POLR2F: variants seen among roughly 807,000 people sequenced by gnomAD.
POLR2F encodes RNA polymerase II, I and III subunit F.
A neutral mutation model predicts 22.7 loss-of-function variants in POLR2F; 12 were observed. The ratio of observed to expected loss-of-function variants is 0.53; its 90% CI spans 0.34 to 0.86. The LOEUF (loss-of-function observed/expected upper bound fraction) is 0.86. POLR2F is among the 40% of genes least tolerant of loss of function. The pLI is 0.02. For synonymous variants in POLR2F, 57 were observed against 66.0 expected, an observed-to-expected ratio of 0.86 and a Z score of 0.66; for missense variants, 126 against 171.5, an observed-to-expected ratio of 0.73 and a Z score of 1.48.
chr22:37,953,771 G>A lies in POLR2F; in HGVS notation c.-17G>A, dbSNP rs773703785. ...CGCGGGACCGGGGCGCAGCGGGGTC[G>A]CTGAGGCGAGGGTGTCATGTCAGAC... On this transcript the variant is annotated 5_prime_UTR_variant, in exon 1 of 5. Transcript: ENST00000442738. 3.1e-6 allele frequency: 5 copies of A among 1,607,070 alleles called. No homozygotes were observed. In the African/African-American group the frequency reaches 6.7e-5, roughly 21 times the overall value.
intron 2 of POLR2F, among the ~76,000 whole-genome samples, chr22:37,957,597 C>T (rs1931450818): frequency 6.6e-6 from 1 of 152,144 alleles, no homozygotes; most frequent in Non-Finnish European, 1.5e-5. Context: ...TCTCTCTCTG[C>T]ATGGCACTTT....
At chr22:37,983,601 C>T, upstream of POLR2F, 1 of 1,608,032 alleles carries the variant, frequency 6.2e-7, no homozygotes, top group South Asian at 1.1e-5. This position sits in a 1 kb window ranked among gnomAD's most constrained non-coding sequence, Gnocchi z 9.5. Flanking sequence ...TCGTCCGCCT[C>T]GCCGTCCTGC....
At position 37,956,095 on chromosome 22, in the gene POLR2F, G is replaced by C. The variant is rs569220189; in HGVS notation, c.21-678G>C. ...GTTTGTTTTTTGTTTTGCGGTGGCG[G>C]GGGGGGGTTTTGAGACGGAGTTTCA... On this transcript the variant is annotated intron_variant, in intron 1 of 4. Transcript: ENST00000442738. 5.3e-4 allele frequency among the ~76,000 whole-genome samples: 80 copies of C among 151,306 alleles called. No individual in the cohort carries two copies. In the South Asian group the frequency reaches 7.7e-3, roughly 15 times the overall value.
chr22:37,960,132 G>A (rs1213959140), intron 3 of POLR2F, among the ~76,000 whole-genome samples: 1 of 151,818 alleles, frequency 6.6e-6, no homozygotes, highest in African/African-American at 2.4e-5. Flanking sequence ...TTTATTTTCC[G>A]AGTCAAGATC....
intron 1 of POLR2F, among the ~76,000 whole-genome samples, chr22:38,009,709 A>C (rs2084855038): frequency 6.6e-6 from 1 of 151,804 alleles, no homozygotes; most frequent in Non-Finnish European, 1.5e-5. Flanking sequence ...AACCACGTGC[A>C]GTCACTGTAG....
rs934440217 is a variant in POLR2F at position 37,968,646 on chromosome 22, G to A, written c.*931G>A. On this transcript the variant is annotated 3_prime_UTR_variant, in exon 5 of 5. Coordinates refer to ENST00000442738, the MANE Select transcript of POLR2F (RefSeq NM_021974.5). ...CAGTCACACTGGCTCCTCCCTCCTA[G>A]AGGGGGTCAGGGGGAGGGTGTATAT... is the stretch of plus-strand genomic sequence containing the variant. 3.0e-6 allele frequency: 3 copies of A among 985,334 alleles called. No homozygotes were observed. Among genetic ancestry groups the A allele is most frequent in the Non-Finnish European group, 3.6e-6 (3 of 829,958 alleles). 61.0% of individuals were successfully genotyped at this position (985,334 alleles called of 1,614,324 possible). A position where few individuals can be genotyped will look rare whatever the true frequency, so the allele number is the denominator to read the frequency against.
At chr22:37,989,579 G>A (rs138352431) in intron 1 of POLR2F, among the ~76,000 whole-genome samples, 1 of 152,188 alleles carries the variant, frequency 6.6e-6, no homozygotes, top group Non-Finnish European at 1.5e-5. Context: ...CCCAGGTGCC[G>A]GCTCAGCTGT....
At position 37,967,881 on chromosome 22, in the gene POLR2F, A is replaced by G; in HGVS notation, c.*166A>G. 6 of 1,364,386 alleles carry G rather than the reference A, an allele frequency of 4.4e-6. No individual in the cohort carries two copies. Among genetic ancestry groups the G allele is most frequent in the Non-Finnish European group, 5.7e-6 (6 of 1,061,384 alleles). 84.5% of individuals were successfully genotyped at this position (1,364,386 alleles called of 1,614,324 possible). A position where few individuals can be genotyped will look rare whatever the true frequency, so the allele number is the denominator to read the frequency against. The stretch of plus-strand genomic sequence containing the variant: ...GCCATGCTGCGTGGAGCATGCACCT[A>G]TTCCAGTGGCCCTGTGACTGTCAGC... On this transcript the variant is annotated 3_prime_UTR_variant, in exon 5 of 5. Coordinates refer to ENST00000442738, the MANE Select transcript of POLR2F (RefSeq NM_021974.5).
rs1006227903 is a variant in POLR2F at position 38,016,833 on chromosome 22, GA to G, written c.121-9025del. 7.1e-4 allele frequency among the ~76,000 whole-genome samples: 104 copies of G among 145,976 alleles called. No homozygotes were observed. The highest frequency in any genetic ancestry group is 9.7e-4 in the African/African-American group (39 of 40,128). ...GTTGGAATAGAGAGAGAGAGAGAAG[GA>G]AAAAAAAAAAGATACAAGCTGGGGA... On this transcript the variant is annotated intron_variant, in intron 1 of 2. Transcript: ENST00000333418. The surrounding 1 kb of genome is among the most constrained non-coding windows in gnomAD (Gnocchi z 4.4).
At chr22:38,025,415 A>G (rs1207084591) in intron 1 of POLR2F, among the ~76,000 whole-genome samples, 3 of 152,232 alleles carry the variant, frequency 2.0e-5, no homozygotes, top group East Asian at 3.9e-4. Flanking sequence ...ACATGCCCAC[A>G]ACTCACAGAT....
At position 38,018,181 on chromosome 22, in the gene POLR2F, G is replaced by A. The variant is rs543454170; in HGVS notation, c.121-7688G>A. ...AACCAGGGCTCATCTGTGAACTTTC[G>A]TTCATTCTGGGAGAGGGCGAAGGCT... On this transcript the variant is annotated intron_variant, in intron 1 of 2. Transcript: ENST00000333418. 1.8e-4 allele frequency among the ~76,000 whole-genome samples: 27 copies of A among 152,286 alleles called. No individual in the cohort carries two copies. The East Asian group carries it at 5.0e-3, about 28-fold the overall frequency.
Position 37,967,688 on chromosome 22 carries a change from G to C in POLR2F, c.357G>C (p.Gly119=), listed in dbSNP as rs777926989. ...YLPDGSYEDW[G]VDELIITD is the part of the protein sequence containing the mutation. ...CAGATGGGAGCTATGAAGACTGGGG[G>C]GTGGACGAGCTCATCATCACCGACT... is the stretch of plus-strand genomic sequence containing the variant. The change falls in exon 5 of 5, where the codon GGG becomes GGC. Residue 119 remains glycine (G), a synonymous_variant. Transcript: ENST00000442738. The C allele has an allele frequency of 6.2e-7, 1 of 1,613,720 alleles. No individual in the cohort carries two copies. Among genetic ancestry groups the C allele is most frequent in the Non-Finnish European group, 8.5e-7 (1 of 1,179,850 alleles).
In POLR2F at chr22:38,016,622, A is replaced by G. The variant is rs1378384414; in HGVS notation, c.121-9247A>G. Among the ~76,000 whole-genome samples the G allele has an allele frequency of 6.6e-6, 1 of 152,138 alleles. No individual in the cohort carries two copies. Among genetic ancestry groups the G allele is most frequent in the East Asian group, 1.9e-4 (1 of 5,174 alleles). ...TGTTCCCACCATTCTAAGTGCAACA[A>G]ATCCCTCTATTGTGTTCCTGGTTTA... On this transcript the variant is annotated intron_variant, in intron 1 of 2. Coordinates refer to the POLR2F transcript ENST00000333418. The surrounding 1 kb of genome is among the most constrained non-coding windows in gnomAD (Gnocchi z 4.4).
intron 1 of POLR2F, among the ~76,000 whole-genome samples, chr22:37,992,941 T>G (rs1932752766): frequency 6.6e-6 from 1 of 152,246 alleles, no homozygotes; most frequent in African/African-American, 2.4e-5. Context: ...GGCAAGCTCC[T>G]GCTGTCTGTG....
intron 1 of POLR2F, among the ~76,000 whole-genome samples, chr22:38,014,358 T>A (rs952905478): frequency 5.3e-5 from 8 of 151,210 alleles, no homozygotes; most frequent in South Asian, 2.1e-4. Flanking sequence ...TTTTTTATTT[T>A]TTTTTTTTTG....
At position 37,968,407 on chromosome 22, in the gene POLR2F, C is replaced by T; in HGVS notation, c.*692C>T. ...TGGCCCACCTCTTTGGTGTGCCACA[C>T]CCATGCCTTCTTCCTAGCCTCTATA... On this transcript the variant is annotated 3_prime_UTR_variant, in exon 5 of 5. Coordinates refer to ENST00000442738, the MANE Select transcript of POLR2F (RefSeq NM_021974.5). 2.7e-5 allele frequency: 27 copies of T among 985,734 alleles called. No homozygotes were observed. The highest frequency in any genetic ancestry group is 3.1e-5 in the Non-Finnish European group (26 of 830,070). The allele number at this position is 985,734 out of a possible 1,614,324, so 61.1% of individuals were successfully genotyped here.
chr22:38,021,703 C>T (rs776227678), intron 1 of POLR2F, among the ~76,000 whole-genome samples: 12 of 152,044 alleles, frequency 7.9e-5, no homozygotes, highest in Admixed American at 3.3e-4. Flanking sequence ...GTGATCCTCA[C>T]GCCTCAGCCT....
At chr22:37,999,588 T>TC (rs1346041658) in intron 1 of POLR2F, among the ~76,000 whole-genome samples, 1 of 151,890 alleles carries the variant, frequency 6.6e-6, no homozygotes, top group African/African-American at 2.4e-5. Context: ...TGACACCCCT[T>TC]CCCCTCCCCA....
chr22:38,013,856 C>G (rs1187737213), intron 1 of POLR2F, among the ~76,000 whole-genome samples: 2 of 152,210 alleles, frequency 1.3e-5, no homozygotes, highest in African/African-American at 4.8e-5. Context: ...GGCGCGGTGG[C>G]TTACGCCTGT....
Sources: gnomAD v4.1 joint callset for allele counts (sites outside exome capture counted in the v4.1 genomes callset) on GRCh38, gnomAD v4.1.1 for gene constraint, Gnocchi (gnomAD v3.1) non-coding constraint, MANE v1.5 for transcripts, NCBI Gene and HGNC (gene_info 2026-07-23, HGNC 2026-07-21) for gene names.